The following SLC36A1 variants were observed in gnomAD, a reference collection of about 807,000 sequenced individuals.
SLC36A1 encodes solute carrier family 36 member 1.
A neutral mutation model predicts 47.5 loss-of-function variants in SLC36A1; 30 were observed. That is an observed-to-expected ratio of 0.63 (90% confidence interval 0.47 to 0.86). The LOEUF (loss-of-function observed/expected upper bound fraction) is 0.86. Ranked by LOEUF, SLC36A1 falls within the 40% of genes least tolerant of loss-of-function variation. The pLI, the probability that SLC36A1 is intolerant of heterozygous loss-of-function variation, is 0.00. For synonymous variants in SLC36A1, 255 were observed against 249.7 expected (o/e 1.02, Z -0.20); for missense variants, 517 against 606.0 (o/e 0.85, Z 1.54).
the SLC36A1 span, among the ~76,000 whole-genome samples, chr5:151,368,809 C>T: frequency 2.6e-5 from 4 of 152,222 alleles, no homozygotes; most frequent in Non-Finnish European, 5.9e-5. Context: ...TAATGAAGGA[C>T]TCTCAAGGAC....
chr5:151,433,613 T>A (rs1759591509), upstream of SLC36A1, among the ~76,000 whole-genome samples: 1 of 151,860 alleles, frequency 6.6e-6, no homozygotes, highest in Non-Finnish European at 1.5e-5. Context: ...TTTAAAAAAA[T>A]TCTTAATAAT....
intron 1 of SLC36A1, among the ~76,000 whole-genome samples, chr5:151,439,975 T>C (rs530180897): frequency 6.6e-6 from 1 of 152,346 alleles, no homozygotes; most frequent in African/African-American, 2.4e-5. Flanking sequence ...CTTAATAAAT[T>C]CTTGAATTTT....
chr5:151,465,098 T>C lies in SLC36A1; in HGVS notation c.348T>C (p.Tyr116=), dbSNP rs771032737. 8 of 1,614,104 alleles carry C rather than the reference T, an allele frequency of 5.0e-6. 1 individual carries two copies. In the Admixed American group the frequency reaches 1.0e-4, roughly 20 times the overall value. ...CRRLNKSFVD[Y]GDTVMYGLES... ...GGCTGAATAAATCCTTTGTGGATTA[T>C]GGTGATACTGTGATGTATGGACTAG... The change falls in exon 5 of 11, where the codon TAT becomes TAC. Residue 116 remains tyrosine, a synonymous_variant. Transcript: ENST00000243389.
the SLC36A1 span, among the ~76,000 whole-genome samples, chr5:151,365,561 C>T: frequency 6.6e-6 from 1 of 152,116 alleles, no homozygotes; most frequent in Admixed American, 6.5e-5. Flanking sequence ...TCATCTAGTC[C>T]ACCCTCTCAT....
At chr5:151,391,383 T>C in the SLC36A1 span, among the ~76,000 whole-genome samples, 8 of 152,144 alleles carry the variant, frequency 5.3e-5, no homozygotes, top group Non-Finnish European at 1.2e-4. Flanking sequence ...CCTAATTGAA[T>C]ACCCTTTATT....
At chr5:151,373,261 C>T in the SLC36A1 span, among the ~76,000 whole-genome samples, 191 of 151,384 alleles carry the variant, frequency 1.3e-3, no homozygotes, top group Admixed American at 3.0e-3. Flanking sequence ...CATGAGACCT[C>T]GTCTAAAAAA....
At chr5:151,551,325 G>A in the SLC36A1 span, 1 of 829,122 alleles carries the variant, frequency 1.2e-6, no homozygotes, top group Non-Finnish European at 1.9e-6. Context: ...GAAGTAGAGA[G>A]TGTATTAGAC....
At chr5:151,546,020 A>G in the SLC36A1 span, 1 of 1,614,208 alleles carries the variant, frequency 6.2e-7, no homozygotes, top group East Asian at 2.2e-5. Flanking sequence ...TTCATAGAGA[A>G]GACTCCATCC....
chr5:151,532,388 AACACACACACACACACAC>A, the SLC36A1 span, among the ~76,000 whole-genome samples: 6 of 150,496 alleles, frequency 4.0e-5, no homozygotes, highest in East Asian at 9.8e-4. Context: ...TGCGTGTACA[AACACACACACACACACAC>A]ACACACACAC....
the SLC36A1 span, among the ~76,000 whole-genome samples, chr5:151,391,912 C>A: frequency 6.6e-6 from 1 of 152,090 alleles, no homozygotes; most frequent in African/African-American, 2.4e-5. Flanking sequence ...TGATGCTGGC[C>A]TCATAAAATG....
chr5:151,505,291 G>GGC, the SLC36A1 span: 11 of 514,656 alleles, frequency 2.1e-5, no homozygotes, highest in South Asian at 2.8e-4. Context: ...GCCCACCCCG[G>GGC]GAGTCAATTG....
At chr5:151,504,691 T>G in the SLC36A1 span, 1 of 152,662 alleles carries the variant, frequency 6.6e-6, no homozygotes, top group African/African-American at 2.4e-5. Context: ...CTAAGAATTT[T>G]TAAAATGAAG....
At chr5:151,409,615 T>G in the SLC36A1 span, among the ~76,000 whole-genome samples, 2 of 152,176 alleles carry the variant, frequency 1.3e-5, no homozygotes, top group East Asian at 3.9e-4. Flanking sequence ...CCTAGAGGCT[T>G]GTCAGGAATG....
the SLC36A1 span, among the ~76,000 whole-genome samples, chr5:151,501,249 T>C: frequency 6.6e-6 from 1 of 152,228 alleles, no homozygotes. Flanking sequence ...CATGGTATCA[T>C]AATTAGTGTG....
At chr5:151,372,294 G>A in the SLC36A1 span, among the ~76,000 whole-genome samples, 81,618 of 151,932 alleles carry the variant, frequency 0.54, 25,131 homozygotes, top group African/African-American at 0.86. Context: ...GGACATGACT[G>A]TTTTTGATAC....
the SLC36A1 span, among the ~76,000 whole-genome samples, chr5:151,395,488 C>G: frequency 1.1e-4 from 16 of 152,336 alleles, no homozygotes; most frequent in Admixed American, 3.3e-4. Flanking sequence ...AACCTGTCTT[C>G]TGCGTCACTC....
chr5:151,377,449 C>T, the SLC36A1 span, among the ~76,000 whole-genome samples: 13 of 148,318 alleles, frequency 8.8e-5, no homozygotes, highest in Non-Finnish European at 1.5e-4. Flanking sequence ...CCCGGGTTCA[C>T]GCCATTCTCC....
chr5:151,393,598 G>A, the SLC36A1 span, among the ~76,000 whole-genome samples: 8 of 152,142 alleles, frequency 5.3e-5, no homozygotes, highest in Non-Finnish European at 8.8e-5. Flanking sequence ...GGCAGGCCTG[G>A]TGATGACTAA....
chr5:151,473,939 C>G (rs1478487495), intron 8 of SLC36A1, among the ~76,000 whole-genome samples, 168 bp downstream of exon 8: 4 of 151,940 alleles, frequency 2.6e-5, no homozygotes, highest in African/African-American at 7.2e-5. Flanking sequence ...ACTGGTGGAT[C>G]ACTTGAGGTC....
Sources: allele counts gnomAD v4.1 joint callset (sites outside exome capture counted in the v4.1 genomes callset), GRCh38; gene constraint gnomAD v4.1.1; transcripts MANE v1.5; gene names NCBI Gene and HGNC (gene_info 2026-07-23, HGNC 2026-07-21).